The following KIF21A variants were observed in gnomAD, a reference collection of about 807,000 sequenced individuals.
KIF21A encodes kinesin-like protein KIF21A.
Under a neutral mutation model 202.9 loss-of-function variants are expected in KIF21A, and 114 were observed. The observed-to-expected ratio is 0.56, with a 90% confidence interval of 0.48 to 0.66. The LOEUF is 0.66. Among genes scored for constraint, KIF21A ranks in the 30% least tolerant of loss-of-function variants. The pLI is 0.00. For missense variants in KIF21A, 1,677 were observed against 1,994.9 expected, an observed-to-expected ratio of 0.84 and a Z score of 3.04; for synonymous variants, 667 against 670.8, an observed-to-expected ratio of 0.99 and a Z score of 0.09.
chr12:39,419,345 T>G (rs887347864), intron 1 of KIF21A, among the ~76,000 whole-genome samples: 2 of 151,678 alleles, frequency 1.3e-5, no homozygotes, highest in African/African-American at 4.9e-5. Context: ...TAAAGTTAAC[T>G]TATCTAGTTA....
rs764744443 is a variant in KIF21A at position 39,330,186 on chromosome 12, T to G, written c.3340+56A>C. On this transcript the variant is annotated intron_variant, in intron 24 of 37. Coordinates refer to ENST00000361418, the MANE Select transcript of KIF21A (RefSeq NM_001173464.2). ...TAAGATGTACCACAATTAGTGTACA[T>G]GAACAATTAGTAATTCATGCAGCTG... 3 of 1,507,288 alleles carry G rather than the reference T, an allele frequency of 2.0e-6. No individual in the cohort carries two copies. In the Admixed American group the frequency reaches 5.0e-5, roughly 25 times the overall value. 93.4% of individuals were successfully genotyped at this position (1,507,288 alleles called of 1,614,324 possible).
chr12:39,360,231 A>G (rs933894443), intron 7 of KIF21A, among the ~76,000 whole-genome samples: 4 of 152,284 alleles, frequency 2.6e-5, no homozygotes, highest in Admixed American at 1.3e-4. Flanking sequence ...ATTTATTTTA[A>G]AAGTTCACAC....
rs1255146481 is a variant in KIF21A, at chr12:39,333,299, T to C, written c.2419-19A>G. ...GTTGATGCTATAAAATAATATTAAA[T>C]AAGTGGAAATAGTAAAGTGAAAGAT... On this transcript the variant is annotated intron_variant, in intron 17 of 37. Transcript: ENST00000361418. 4.1e-6 allele frequency: 6 copies of C among 1,462,740 alleles called. No homozygotes were observed. The highest frequency in any genetic ancestry group is 1.7e-4 in the Middle Eastern group (1 of 5,774). The allele number at this position is 1,462,740 out of a possible 1,614,324, so 90.6% of individuals were successfully genotyped here.
chr12:39,378,299 AG>A (rs1950389481), intron 1 of KIF21A, among the ~76,000 whole-genome samples: 1 of 152,216 alleles, frequency 6.6e-6, no homozygotes, highest in African/African-American at 2.4e-5. Context: ...ATCATTCACA[AG>A]GGGGTAACAT....
chr12:39,418,238 T>C (rs2140177575), intron 1 of KIF21A, among the ~76,000 whole-genome samples: 1 of 150,630 alleles, frequency 6.6e-6, no homozygotes, highest in East Asian at 2.0e-4. Flanking sequence ...CAGAAAAACA[T>C]CCAGAAAACA....
chr12:39,361,587 T>TCTCCGCTCACTGTAAG (rs200302183), intron 7 of KIF21A, among the ~76,000 whole-genome samples: 1 of 114,968 alleles, frequency 8.7e-6, no homozygotes, highest in Non-Finnish European at 1.7e-5. Flanking sequence ...AGTGGCACGA[T>TCTCCGCTCACTGTAAG]CTCCGCCTCC....
chr12:39,318,168 T>C lies in KIF21A; in HGVS notation c.3813A>G (p.Ser1271=). The part of the protein sequence containing the change: ...SDSGTSEASL[S]PPSSPPSRPR... ...GCCGGCTTGGTGGGGAAGAAGGAGG[T>C]GAAAGACTAGCCTCTGAAGTTCCAG... is the stretch of plus-strand genomic sequence containing the variant. The change falls in exon 29 of 38, where the codon TCA becomes TCG. Residue 1271 remains serine, a synonymous_variant. Transcript: ENST00000361418. 6.2e-7 allele frequency: 1 copy of C among 1,613,334 alleles called. No individual in the cohort carries two copies. The highest frequency in any genetic ancestry group is 1.3e-5 in the African/African-American group (1 of 74,916).
intron 35 of KIF21A, among the ~76,000 whole-genome samples, chr12:39,303,374 C>T (rs1565641797): frequency 6.6e-6 from 1 of 152,190 alleles, no homozygotes; most frequent in Non-Finnish European, 1.5e-5. Context: ...AATCATACTG[C>T]ACAGCTGCCT....
chr12:39,397,215 A>G (rs1317819857), intron 1 of KIF21A, among the ~76,000 whole-genome samples: 2 of 152,162 alleles, frequency 1.3e-5, no homozygotes, highest in Non-Finnish European at 2.9e-5. Flanking sequence ...CTGCTAAAAT[A>G]CTTGTTTTGG....
intron 28 of KIF21A, among the ~76,000 whole-genome samples, chr12:39,318,905 C>CGGGAGGCGGAGTTTGCA (rs1316243952): frequency 2.0e-5 from 3 of 151,554 alleles, no homozygotes; most frequent in Non-Finnish European, 4.4e-5. Context: ...GGTGTGAACC[C>CGGGAGGCGGAGTTTGCA]GGGAGGCGGA....
chr12:39,428,803 CA>C, intron 1 of KIF21A, among the ~76,000 whole-genome samples: 1 of 152,034 alleles, frequency 6.6e-6, no homozygotes, highest in East Asian at 1.9e-4. Context: ...ACTAAAAATA[CA>C]AAAATTAGCT....
intron 1 of KIF21A, among the ~76,000 whole-genome samples, chr12:39,378,866 A>G (rs1455050686): frequency 6.6e-6 from 1 of 152,188 alleles, no homozygotes. Context: ...GAGGAACAGG[A>G]AAAACTGCAT....
At chr12:39,330,019 T>C (rs759313868) in intron 24 of KIF21A, 24 of 452,708 alleles carry the variant, frequency 5.3e-5, no homozygotes, top group Admixed American at 7.5e-5. Flanking sequence ...AAGAGACAAC[T>C]AACAAAAGCA....
intron 30 of KIF21A, 89 bp from the exon 31 acceptor site, chr12:39,315,329 G>C: frequency 8.7e-7 from 1 of 1,143,314 alleles, no homozygotes; most frequent in Non-Finnish European, 1.3e-6. Flanking sequence ...AAGGGAATGA[G>C]ACAGAGAGAA....
intron 3 of KIF21A, among the ~76,000 whole-genome samples, chr12:39,368,257 C>T (rs1949731861): frequency 1.3e-5 from 2 of 152,100 alleles, no homozygotes; most frequent in Admixed American, 1.3e-4. Flanking sequence ...TTAATCATGA[C>T]TAATGGGTTG....
Position 39,340,928 on chromosome 12 carries a change from T to C in KIF21A, c.2088A>G (p.Arg696=). The change falls in exon 15 of 38, where the codon AGA becomes AGG. Residue 696 remains arginine, a synonymous_variant. Transcript: ENST00000361418. The part of the protein sequence containing the change: ...QHKIRDTQLE[R]DQVLQNLGSV... ...TACCTAAGTTTTGAAGCACCTGGTC[T>C]CTTTCAAGCTGAGTATCCCGAATTT... The C allele has an allele frequency of 6.2e-7, 1 of 1,612,140 alleles. No individual in the cohort carries two copies. The highest frequency in any genetic ancestry group is 8.5e-7 in the Non-Finnish European group (1 of 1,178,576).
chr12:39,385,271 G>A (rs1950867171), intron 1 of KIF21A, among the ~76,000 whole-genome samples: 1 of 152,056 alleles, frequency 6.6e-6, no homozygotes, highest in Admixed American at 6.6e-5. Context: ...CACTGAGAAA[G>A]AAGGAAGGGC....
In KIF21A at chr12:39,309,636, A is replaced by G; in HGVS notation, c.4227T>C (p.Tyr1409=). The change falls in exon 33 of 38, where the codon TAT becomes TAC. Residue 1409 remains tyrosine, a synonymous_variant. Coordinates refer to ENST00000361418, the MANE Select transcript of KIF21A (RefSeq NM_001173464.2). The stretch of plus-strand genomic sequence containing the variant: ...AATCTCTGATATCCCACACCTTAAT[A>G]TAAGATGTTGATACAGTGAAGACCA... The part of the protein sequence containing the change: ...TSLVFTVSTS[Y]IKVWDIRDSA... The G allele has an allele frequency of 1.2e-6, 2 of 1,612,554 alleles. No individual in the cohort carries two copies. The highest frequency in any genetic ancestry group is 1.1e-5 in the South Asian group (1 of 91,028).
chr12:39,409,007 T>G (rs112501809), intron 1 of KIF21A, among the ~76,000 whole-genome samples: 2,064 of 151,846 alleles, frequency 0.014, 64 homozygotes, highest in African/African-American at 0.046. Context: ...TTTTTATTTT[T>G]TTGTTGTTGT....
Sources: gnomAD v4.1 joint callset for allele counts (sites outside exome capture counted in the v4.1 genomes callset) on GRCh38, gnomAD v4.1.1 for gene constraint, MANE v1.5 for transcripts, NCBI Gene and HGNC (gene_info 2026-07-23, HGNC 2026-07-21) for gene names.